SUPT3H: variants seen among roughly 807,000 people sequenced by gnomAD.
The protein encoded by SUPT3H is SPT3 homolog, SAGA and STAGA complex component, also known as transcription initiation protein SPT3 homolog.
In SUPT3H, 44 loss-of-function variants were observed where a neutral mutation model predicts 44.3. That is an observed-to-expected ratio of 0.99 (90% confidence interval 0.78 to 1.28). The LOEUF is 1.28. Ranked by LOEUF, SUPT3H falls within the 50% of genes most tolerant of loss-of-function variation. The pLI is 0.00. For synonymous variants in SUPT3H, 124 were observed against 125.6 expected, an observed-to-expected ratio of 0.99 and a Z score of 0.09; for missense variants, 380 against 387.1, an observed-to-expected ratio of 0.98 and a Z score of 0.15.
intron 2 of SUPT3H, among the ~76,000 whole-genome samples, chr6:45,211,155 T>C (rs1764019280): frequency 1.3e-5 from 2 of 152,204 alleles, no homozygotes; most frequent in African/African-American, 4.8e-5. Context: ...TAACTGTCTT[T>C]GAAAATAACA....
intron 10 of SUPT3H, among the ~76,000 whole-genome samples, chr6:44,896,037 C>T (rs114608074): frequency 6.6e-6 from 1 of 152,070 alleles, no homozygotes; most frequent in South Asian, 2.1e-4. Flanking sequence ...GGACAAACAA[C>T]ATTACAACTT....
At chr6:45,134,826 T>C (rs1804021545) in intron 2 of SUPT3H, among the ~76,000 whole-genome samples, 1 of 152,144 alleles carries the variant, frequency 6.6e-6, no homozygotes, top group African/African-American at 2.4e-5. Flanking sequence ...TCACTAGGAA[T>C]TACCCTATGG....
chr6:44,984,203 C>G (rs1779471472), intron 6 of SUPT3H, among the ~76,000 whole-genome samples: 1 of 152,028 alleles, frequency 6.6e-6, no homozygotes, highest in Non-Finnish European at 1.5e-5. Flanking sequence ...CTAGACACAG[C>G]TGAATCAAAC....
intron 2 of SUPT3H, among the ~76,000 whole-genome samples, chr6:45,211,709 C>T (rs868286275): frequency 2.6e-4 from 40 of 152,018 alleles, no homozygotes; most frequent in African/African-American, 9.7e-4. Flanking sequence ...ATTAGGGGGG[C>T]GTGGTGGCAT....
chr6:45,294,824 A>T (rs1780894221), intron 2 of SUPT3H, among the ~76,000 whole-genome samples: 1 of 150,644 alleles, frequency 6.6e-6, no homozygotes, highest in Non-Finnish European at 1.5e-5. Flanking sequence ...ACTACAAAAC[A>T]CTGCTGAAAG....
intron 2 of SUPT3H, among the ~76,000 whole-genome samples, chr6:45,293,320 TG>T (rs1182053045): frequency 6.6e-6 from 1 of 152,126 alleles, no homozygotes; most frequent in Non-Finnish European, 1.5e-5. Flanking sequence ...TCAAAACCTC[TG>T]GGACACAGCA....
rs765520869 is a variant in SUPT3H at position 45,192,007 on chromosome 6, G to A, written c.102-86001C>T. On this transcript the variant is annotated intron_variant, in intron 2 of 10. Transcript: ENST00000371459. ...TCCTCATATTCACTTACTTTACTGAGTAAACTGATGTCAGAGAAACTGCTA... is the reference window on the plus strand; with the variant it reads ...TCCTCATATTCACTTACTTTACTGAATAAACTGATGTCAGAGAAACTGCTA... Among the ~76,000 whole-genome samples, 6 of 152,176 alleles carry A rather than the reference G, an allele frequency of 3.9e-5. No individual in the cohort carries two copies. The East Asian group carries it at 1.2e-3, about 29-fold the overall frequency.
At chr6:45,079,414 GGAA>G (rs576840169) in intron 3 of SUPT3H, among the ~76,000 whole-genome samples, 268 of 91,362 alleles carry the variant, frequency 2.9e-3, no homozygotes, top group African/African-American at 8.0e-3. Flanking sequence ...GGGAGGAGAA[GGAA>G]GAAGAAGGGG....
intron 2 of SUPT3H, among the ~76,000 whole-genome samples, chr6:45,233,181 TCCCTGTGGGCTA>T (rs1768407372): frequency 1.3e-5 from 2 of 152,220 alleles, no homozygotes; most frequent in African/African-American, 2.4e-5. Context: ...GGATTAGTAC[TCCCTGTGGGCTA>T]GAGTACTGAG....
intron 2 of SUPT3H, among the ~76,000 whole-genome samples, chr6:45,197,437 T>C (rs1000930892): frequency 6.6e-6 from 1 of 151,514 alleles, no homozygotes. Context: ...TTACATACAT[T>C]GTTACTAAGT....
At chr6:45,186,548 C>A (rs961800043) in intron 2 of SUPT3H, among the ~76,000 whole-genome samples, 1 of 152,160 alleles carries the variant, frequency 6.6e-6, no homozygotes, top group Non-Finnish European at 1.5e-5. Flanking sequence ...CAGACAAAAT[C>A]TCCAGGCTCA....
chr6:45,242,097 T>G (rs375627167), intron 2 of SUPT3H, among the ~76,000 whole-genome samples: 3 of 152,324 alleles, frequency 2.0e-5, no homozygotes, highest in African/African-American at 7.2e-5. Context: ...GGTCTTCTGC[T>G]GTAAACAACC....
At chr6:45,255,590 T>C (rs374370935) in intron 2 of SUPT3H, among the ~76,000 whole-genome samples, 1 of 151,664 alleles carries the variant, frequency 6.6e-6, no homozygotes, top group East Asian at 1.9e-4. Context: ...CCCAGCAATG[T>C]TTTTTTAATT....
intron 6 of SUPT3H, 131 bp downstream of exon 6, chr6:45,003,522 G>A (rs1160853981): frequency 1.4e-5 from 14 of 1,024,852 alleles, no homozygotes; most frequent in Non-Finnish European, 1.5e-5. Context: ...TCTGCACATC[G>A]CTGCCATCAG....
At chr6:45,092,295 T>C (rs1479477984) in intron 3 of SUPT3H, among the ~76,000 whole-genome samples, 1 of 152,198 alleles carries the variant, frequency 6.6e-6, no homozygotes, top group East Asian at 1.9e-4. Context: ...TATGCTGATG[T>C]TTATTACTTA....
chr6:44,968,924 T>A (rs1454338819), intron 6 of SUPT3H, among the ~76,000 whole-genome samples: 2 of 152,136 alleles, frequency 1.3e-5, no homozygotes, highest in Middle Eastern at 3.2e-3. Context: ...TATTCTTTGT[T>A]TTTAGTTAGG....
intron 2 of SUPT3H, among the ~76,000 whole-genome samples, chr6:45,257,438 T>C (rs1056416826): frequency 2.6e-5 from 4 of 152,188 alleles, no homozygotes; most frequent in Non-Finnish European, 4.4e-5. Context: ...GTTTTATCAG[T>C]GAGAAAACAT....
chr6:44,890,079 G>C (rs1047820257), intron 10 of SUPT3H, among the ~76,000 whole-genome samples: 2 of 151,646 alleles, frequency 1.3e-5, no homozygotes, highest in African/African-American at 4.8e-5. Context: ...ACACCAGTTA[G>C]AATGGCGATC....
At chr6:44,941,242 T>C (rs74535709) in intron 9 of SUPT3H, among the ~76,000 whole-genome samples, 1 of 152,120 alleles carries the variant, frequency 6.6e-6, no homozygotes, top group Non-Finnish European at 1.5e-5. Context: ...AATTTTATAC[T>C]TTTGTGTCTT....
Sources: allele counts gnomAD v4.1 joint callset (sites outside exome capture counted in the v4.1 genomes callset), GRCh38; gene constraint gnomAD v4.1.1; transcripts MANE v1.5; gene names NCBI Gene and HGNC (gene_info 2026-07-23, HGNC 2026-07-21).